Variants in OPCML observed in about 807,000 individuals in gnomAD.
OPCML encodes opioid binding protein/cell adhesion molecule like, also known as opioid-binding protein/cell adhesion molecule.
Under a neutral mutation model 37.8 loss-of-function variants are expected in OPCML, and 13 were observed. That is an observed-to-expected ratio of 0.34 (90% CI 0.22 to 0.55). OPCML has a LOEUF of 0.55. Among genes scored for constraint, OPCML ranks in the 20% least tolerant of loss-of-function variants. The pLI is 0.91. For synonymous variants in OPCML, 176 were observed against 168.8 expected, an observed-to-expected ratio of 1.04 and a Z score of -0.33; for missense variants, 341 against 435.6, an observed-to-expected ratio of 0.78 and a Z score of 1.93.
intron 3 of OPCML, among the ~76,000 whole-genome samples, chr11:132,604,340 T>C (rs1176592999): frequency 6.6e-6 from 1 of 152,068 alleles, no homozygotes; most frequent in Non-Finnish European, 1.5e-5. Flanking sequence ...TAATTTCCCT[T>C]ACATCTATTT....
At chr11:132,819,232 A>G (rs555395915) in intron 2 of OPCML, among the ~76,000 whole-genome samples, 2 of 152,092 alleles carry the variant, frequency 1.3e-5, no homozygotes, top group Non-Finnish European at 2.9e-5. Context: ...CTACAAGGTC[A>G]CTAGAAGCAA....
chr11:132,777,260 T>C (rs1324838166), intron 2 of OPCML, among the ~76,000 whole-genome samples: 2 of 152,190 alleles, frequency 1.3e-5, no homozygotes, highest in Admixed American at 1.3e-4. Context: ...CCCTAGAAGA[T>C]CTGTCAGTCA....
chr11:133,423,664 G>A (rs1436733504), intron 1 of OPCML, among the ~76,000 whole-genome samples: 1 of 152,138 alleles, frequency 6.6e-6, no homozygotes, highest in Admixed American at 6.5e-5. Flanking sequence ...TGGTGCAAGC[G>A]CCCTGAGAGA....
intron 1 of OPCML, among the ~76,000 whole-genome samples, chr11:133,465,736 T>C (rs982742976): frequency 6.6e-6 from 1 of 152,168 alleles, no homozygotes; most frequent in Non-Finnish European, 1.5e-5. Context: ...GGGCAGACAA[T>C]GTATCCTCTC....
intron 4 of OPCML, among the ~76,000 whole-genome samples, chr11:132,440,447 C>A (rs778845969): frequency 2.6e-5 from 4 of 152,274 alleles, no homozygotes; most frequent in African/African-American, 4.8e-5. Flanking sequence ...CCGGGGCCCC[C>A]ACCCTGAGCA....
intron 1 of OPCML, among the ~76,000 whole-genome samples, chr11:133,186,334 CTTTTT>C (rs1268354893): frequency 3.3e-5 from 5 of 152,140 alleles, no homozygotes; most frequent in African/African-American, 9.7e-5. Context: ...AACTCATTTA[CTTTTT>C]GTCAGTCTGA....
At chr11:133,096,502 T>C (rs1435131478) in intron 1 of OPCML, among the ~76,000 whole-genome samples, 2 of 151,832 alleles carry the variant, frequency 1.3e-5, no homozygotes, top group East Asian at 1.9e-4. Context: ...AAATGCAAAA[T>C]AGTGACACAT....
chr11:132,526,326 T>C (rs2096308304), intron 4 of OPCML, among the ~76,000 whole-genome samples: 1 of 152,170 alleles, frequency 6.6e-6, no homozygotes, highest in Admixed American at 6.6e-5. Flanking sequence ...TTGTATATAA[T>C]ATAAATCCAA....
intron 1 of OPCML, among the ~76,000 whole-genome samples, chr11:133,267,680 T>C (rs1308566348): frequency 2.0e-5 from 3 of 152,186 alleles, no homozygotes; most frequent in Non-Finnish European, 2.9e-5. Flanking sequence ...TCTGGAATTG[T>C]AGCTCTCACA....
At chr11:132,905,782 G>C (rs987122668) in intron 2 of OPCML, among the ~76,000 whole-genome samples, 1 of 151,982 alleles carries the variant, frequency 6.6e-6, no homozygotes, top group Non-Finnish European at 1.5e-5. Flanking sequence ...TATAAGCTTA[G>C]ATAAGTTATC....
intron 1 of OPCML, among the ~76,000 whole-genome samples, chr11:133,148,726 A>G (rs1183181734): frequency 6.6e-6 from 1 of 152,120 alleles, no homozygotes; most frequent in Non-Finnish European, 1.5e-5. Context: ...CAGCTCTACA[A>G]ATGGCAGAGA....
rs149774211 is a variant in OPCML, at chr11:132,459,075, G to A, written c.506-21716C>T. On this transcript the variant is annotated intron_variant, in intron 4 of 7. Coordinates refer to ENST00000524381, the MANE Select transcript of OPCML (RefSeq NM_001012393.5). ...GGGCCATCCTTCCCAATGTGGGCAGGCATCATACAATTCACTGAGGGCCTG... is the reference window on the plus strand; with the variant it reads ...GGGCCATCCTTCCCAATGTGGGCAGACATCATACAATTCACTGAGGGCCTG... Among the ~76,000 whole-genome samples the A allele has an allele frequency of 3.5e-4, 53 of 152,280 alleles. No individual in the cohort carries two copies. In the East Asian group the frequency reaches 8.5e-3, roughly 24 times the overall value.
chr11:133,303,153 A>C (rs1942823424), intron 1 of OPCML, among the ~76,000 whole-genome samples: 1 of 152,220 alleles, frequency 6.6e-6, no homozygotes, highest in African/African-American at 2.4e-5. Context: ...AATGCAGCCC[A>C]AAAGTAAATA....
chr11:132,729,066 C>T (rs1421958578), intron 2 of OPCML, among the ~76,000 whole-genome samples: 2 of 152,104 alleles, frequency 1.3e-5, no homozygotes, highest in African/African-American at 4.8e-5. Context: ...GAAAGAAAGG[C>T]TGGTTAGGGG....
At chr11:133,048,665 C>G (rs538539156) in intron 1 of OPCML, among the ~76,000 whole-genome samples, 6 of 152,218 alleles carry the variant, frequency 3.9e-5, no homozygotes, top group Middle Eastern at 3.4e-3. Flanking sequence ...TTCTTACTGA[C>G]AAGATACCCC....
intron 1 of OPCML, among the ~76,000 whole-genome samples, chr11:133,169,051 A>C (rs1379555691): frequency 6.6e-6 from 1 of 152,076 alleles, no homozygotes; most frequent in African/African-American, 2.4e-5. Context: ...AATCGCTTGA[A>C]CCTGGGAGAC....
intron 1 of OPCML, among the ~76,000 whole-genome samples, chr11:133,220,104 C>A (rs538377674): frequency 6.6e-6 from 1 of 152,168 alleles, no homozygotes. Flanking sequence ...AGCTTCAACA[C>A]CCTTCCCATT....
At chr11:132,546,427 C>G (rs1214849876) in intron 3 of OPCML, among the ~76,000 whole-genome samples, 1 of 152,166 alleles carries the variant, frequency 6.6e-6, no homozygotes, top group East Asian at 1.9e-4. Context: ...TTCTCCTTCA[C>G]CCTTCTCCCA....
rs1017102958 is a variant in OPCML at position 133,206,732 on chromosome 11, C to A, written c.62-263722G>T. The stretch of plus-strand genomic sequence containing the variant: ...GTGCTTGTTTACCAGCTGTGACCCA[C>A]TGGTCTAAAATGGAAACAAGAAATG... On this transcript the variant is annotated intron_variant, in intron 1 of 7. Coordinates refer to ENST00000524381, the MANE Select transcript of OPCML (RefSeq NM_001012393.5). This position sits in a 1 kb window ranked among gnomAD's most constrained non-coding sequence, Gnocchi z 4.7. Among the ~76,000 whole-genome samples, 4 of 152,198 alleles carry A rather than the reference C, an allele frequency of 2.6e-5. No homozygotes were observed. Among genetic ancestry groups the A allele is most frequent in the African/African-American group, 9.6e-5 (4 of 41,452 alleles).
Sources: gnomAD v4.1 joint callset for allele counts (sites outside exome capture counted in the v4.1 genomes callset) on GRCh38, gnomAD v4.1.1 for gene constraint, Gnocchi (gnomAD v3.1) non-coding constraint, MANE v1.5 for transcripts, NCBI Gene and HGNC (gene_info 2026-07-23, HGNC 2026-07-21) for gene names.